Variants in MNAT1 observed in about 807,000 individuals in gnomAD.
The protein encoded by MNAT1 is MNAT1 component of CDK activating kinase, also known as CDK-activating kinase assembly factor MAT1.
A neutral mutation model predicts 42.0 loss-of-function variants in MNAT1; 43 were observed. The observed-to-expected ratio is 1.02, with a 90% confidence interval of 0.80 to 1.32. The LOEUF (loss-of-function observed/expected upper bound fraction) is 1.32, where lower values mean the gene tolerates loss of function less well. Among genes scored for constraint, MNAT1 ranks in the 40% most tolerant of loss-of-function variants. The pLI is 0.00. For synonymous variants in MNAT1, 118 were observed against 120.0 expected (o/e 0.98, Z 0.11); for missense variants, 306 against 350.4 (o/e 0.87, Z 1.01).
At chr14:60,875,800 C>T (rs2034424611) in intron 6 of MNAT1, among the ~76,000 whole-genome samples, 1 of 151,922 alleles carries the variant, frequency 6.6e-6, no homozygotes, top group Non-Finnish European at 1.5e-5. Flanking sequence ...TGTTGTTTTC[C>T]AGTGCAATTA....
intron 6 of MNAT1, among the ~76,000 whole-genome samples, chr14:60,874,711 T>A (rs2034400451): frequency 6.6e-6 from 1 of 152,258 alleles, no homozygotes; most frequent in East Asian, 1.9e-4. Context: ...GTTCTTTAAT[T>A]TGAATCCTCC....
chr14:60,934,055 G>C (rs1043114256), intron 7 of MNAT1, among the ~76,000 whole-genome samples: 1 of 152,266 alleles, frequency 6.6e-6, no homozygotes, highest in South Asian at 2.1e-4. Context: ...TAGCCAAAAG[G>C]TAGAGATGTA....
chr14:60,765,563 CT>C (rs1208816275), intron 1 of MNAT1, among the ~76,000 whole-genome samples: 29 of 152,252 alleles, frequency 1.9e-4, no homozygotes, highest in Non-Finnish European at 3.7e-4. Context: ...ACTAAACAGT[CT>C]GATGCTATGT....
Position 60,904,689 on chromosome 14 carries a change from C to T in MNAT1, c.809+24854C>T, listed in dbSNP as rs182398791. On this transcript the variant is annotated intron_variant, in intron 7 of 7. Coordinates refer to ENST00000261245, the MANE Select transcript of MNAT1 (RefSeq NM_002431.4). ...TTTGTAGTGAGGACTTAAATTATAA[C>T]ATCAATTTAAAAATATATAAAATGA... Among the ~76,000 whole-genome samples, 293 of 152,006 alleles carry T rather than the reference C, an allele frequency of 1.9e-3. 1 individual carries two copies. Among genetic ancestry groups the T allele is most frequent in the African/African-American group, 6.7e-3 (279 of 41,464 alleles).
chr14:60,967,730 T>C (rs927901109), intron 7 of MNAT1, among the ~76,000 whole-genome samples: 3 of 152,218 alleles, frequency 2.0e-5, no homozygotes, highest in Non-Finnish European at 4.4e-5. Flanking sequence ...AGACAATATA[T>C]TCTTGGAATA....
intron 2 of MNAT1, 88 bp from the exon 3 acceptor site, chr14:60,797,999 A>G (rs2032073779): frequency 7.8e-6 from 5 of 637,802 alleles, no homozygotes; most frequent in Non-Finnish European, 1.1e-5. Context: ...TGTATCATAT[A>G]TGAATTAGGT....
intron 6 of MNAT1, among the ~76,000 whole-genome samples, chr14:60,821,351 A>T (rs1474084036): frequency 6.6e-6 from 1 of 152,134 alleles, no homozygotes; most frequent in Non-Finnish European, 1.5e-5. Flanking sequence ...ACACTGTTTA[A>T]TGTTTATCTT....
chr14:60,902,713 A>C (rs1323623932), intron 7 of MNAT1, among the ~76,000 whole-genome samples: 1 of 152,142 alleles, frequency 6.6e-6, no homozygotes, highest in Non-Finnish European at 1.5e-5. Context: ...GGGCATTTAA[A>C]ATATACTTAG....
chr14:60,767,096 T>C (rs1235319611), intron 1 of MNAT1, among the ~76,000 whole-genome samples: 1 of 152,184 alleles, frequency 6.6e-6, no homozygotes, highest in Non-Finnish European at 1.5e-5. Context: ...ATTTTTAATA[T>C]AGGAACAGCT....
chr14:60,846,831 G>T (rs1361621496), intron 6 of MNAT1, among the ~76,000 whole-genome samples: 1 of 152,190 alleles, frequency 6.6e-6, no homozygotes, highest in Admixed American at 6.5e-5. Context: ...TGGGAAGAAT[G>T]TGTTAGATGT....
intron 1 of MNAT1, among the ~76,000 whole-genome samples, chr14:60,794,695 T>TAC (rs1246557703): frequency 4.9e-5 from 7 of 142,684 alleles, no homozygotes; most frequent in African/African-American, 1.5e-4. Context: ...GGTATATATA[T>TAC]ACATATGTGT....
chr14:60,967,330 A>T (rs2036699761), intron 7 of MNAT1, among the ~76,000 whole-genome samples: 1 of 152,214 alleles, frequency 6.6e-6, no homozygotes, highest in Admixed American at 6.5e-5. Context: ...ATGTTCTGGT[A>T]CCTGATTTAT....
At chr14:60,820,262 T>C (rs1333794670) in intron 6 of MNAT1, among the ~76,000 whole-genome samples, 1 of 152,104 alleles carries the variant, frequency 6.6e-6, no homozygotes, top group African/African-American at 2.4e-5. Context: ...TTGAGCATGA[T>C]GAGTATGCAA....
At chr14:60,853,720 A>G (rs1303975938) in intron 6 of MNAT1, among the ~76,000 whole-genome samples, 12 of 152,332 alleles carry the variant, frequency 7.9e-5, no homozygotes, top group South Asian at 2.1e-4. Flanking sequence ...GATACATTCC[A>G]CCAATACCTA....
intron 1 of MNAT1, among the ~76,000 whole-genome samples, chr14:60,786,447 C>A (rs2031654148): frequency 6.6e-6 from 1 of 152,010 alleles, no homozygotes; most frequent in Non-Finnish European, 1.5e-5. Flanking sequence ...GGTTCTCAGA[C>A]TTTTTGGTGT....
At chr14:60,882,301 TAGC>T (rs1381435249) in intron 7 of MNAT1, among the ~76,000 whole-genome samples, 2 of 152,162 alleles carry the variant, frequency 1.3e-5, no homozygotes, top group Non-Finnish European at 2.9e-5. Context: ...GTTCAATTTT[TAGC>T]TTCCACAAAT....
At position 60,781,211 on chromosome 14, in the gene MNAT1, T is replaced by C. The variant is rs79461168; in HGVS notation, c.90-15006T>C. Among the ~76,000 whole-genome samples the C allele has an allele frequency of 7.7e-3, 1,164 of 151,684 alleles. 8 individuals are homozygous for C. The highest frequency in any genetic ancestry group is 0.027 in the African/African-American group (1,106 of 41,238). ...TTCTGTGATACAGAACTCTTAAAAA[T>C]TTTTTTTTGTGTTTTATAAAATCAA... is the stretch of plus-strand genomic sequence containing the variant. On this transcript the variant is annotated intron_variant, in intron 1 of 7. Transcript: ENST00000261245.
chr14:60,903,538 TTTATTGTATA>T (rs2035117104), intron 7 of MNAT1, among the ~76,000 whole-genome samples: 1 of 152,154 alleles, frequency 6.6e-6, no homozygotes, highest in Non-Finnish European at 1.5e-5. Context: ...AAATACCTAT[TTTATTGTATA>T]TTCCAATGAG....
chr14:60,813,311 G>A lies in MNAT1; in HGVS notation c.561+1184G>A, dbSNP rs138842678. On this transcript the variant is annotated intron_variant, in intron 5 of 7. Transcript: ENST00000261245. ...GCTTGGAGCAGCTGGCTAGATCTGC[G>A]CTGACTCACCCACGTGCTCCCTCCC... 1.2e-3 allele frequency among the ~76,000 whole-genome samples: 184 copies of A among 152,278 alleles called. 1 individual carries two copies. The highest frequency in any genetic ancestry group is 4.2e-3 in the African/African-American group (175 of 41,546).
Sources: gnomAD v4.1 joint callset for allele counts (sites outside exome capture counted in the v4.1 genomes callset) on GRCh38, gnomAD v4.1.1 for gene constraint, MANE v1.5 for transcripts, NCBI Gene and HGNC (gene_info 2026-07-23, HGNC 2026-07-21) for gene names.